SNX30: variants seen among roughly 807,000 people sequenced by gnomAD.
SNX30 encodes the protein sorting nexin family member 30.
SNX30 carries 24 observed loss-of-function variants against 46.4 expected under a neutral mutation model. The observed-to-expected ratio is 0.52, with a 90% CI of 0.37 to 0.73. SNX30 has a LOEUF of 0.73. SNX30 is among the 30% of genes least tolerant of loss of function. The pLI, the probability that SNX30 is intolerant of heterozygous loss-of-function variation, is 0.00. For missense variants in SNX30, 533 were observed against 555.7 expected (o/e 0.96, Z 0.41); for synonymous variants, 189 against 211.5 (o/e 0.89, Z 0.92).
At chr9:112,749,765 C>G (rs2796036), upstream of SNX30, among the ~76,000 whole-genome samples, 62,904 of 152,032 alleles carry the variant, frequency 0.41, 13,220 homozygotes, top group Admixed American at 0.45. Context: ...CCAGAGTCAA[C>G]ATCTGTCATC....
At chr9:112,794,363 G>T (rs1840074312) in intron 1 of SNX30, among the ~76,000 whole-genome samples, 1 of 152,116 alleles carries the variant, frequency 6.6e-6, no homozygotes, top group Non-Finnish European at 1.5e-5. Context: ...ATGTTGGTCA[G>T]GTTGGTCTTG....
chr9:112,845,997 G>T (rs1190875611), intron 6 of SNX30, among the ~76,000 whole-genome samples: 2 of 152,072 alleles, frequency 1.3e-5, no homozygotes, highest in Non-Finnish European at 2.9e-5. Context: ...AGATATCACA[G>T]CCATAAAACA....
chr9:112,770,472 CTT>C, intron 1 of SNX30, among the ~76,000 whole-genome samples: 1 of 151,906 alleles, frequency 6.6e-6, no homozygotes, highest in Admixed American at 6.6e-5. Context: ...CGCCTGGCCT[CTT>C]TTTTGCTTTT....
chr9:112,880,578 C>T (rs1304603301), intron 5 of SNX30: 3 of 153,408 alleles, frequency 2.0e-5, no homozygotes, highest in Non-Finnish European at 4.4e-5. Flanking sequence ...CTTGGAAGCC[C>T]ATCCCCAACC....
intron 7 of SNX30, among the ~76,000 whole-genome samples, chr9:112,861,285 A>T (rs1274942486): frequency 6.6e-6 from 1 of 152,244 alleles, no homozygotes; most frequent in Non-Finnish European, 1.5e-5. Flanking sequence ...CATGAAGAAA[A>T]GCAGAAGTAT....
chr9:112,841,519 G>A (rs917689072), intron 6 of SNX30, among the ~76,000 whole-genome samples: 2 of 152,210 alleles, frequency 1.3e-5, no homozygotes, highest in Non-Finnish European at 2.9e-5. Flanking sequence ...ATGGAAAAGA[G>A]GAAGTGTGGA....
intron 6 of SNX30, among the ~76,000 whole-genome samples, chr9:112,847,446 C>CTTT (rs34501288): frequency 1.4e-5 from 2 of 146,312 alleles, no homozygotes; most frequent in African/African-American, 2.5e-5. Flanking sequence ...TACAAGCATT[C>CTTT]TTTTTTTTTT....
At chr9:112,759,335 A>G (rs1232636156) in intron 1 of SNX30, among the ~76,000 whole-genome samples, 1 of 152,056 alleles carries the variant, frequency 6.6e-6, no homozygotes, top group Admixed American at 6.6e-5. Context: ...AATCCAGTAG[A>G]TGCTTTATAG....
chr9:112,771,916 T>C (rs1839656084), intron 1 of SNX30, among the ~76,000 whole-genome samples: 1 of 152,218 alleles, frequency 6.6e-6, no homozygotes, highest in African/African-American at 2.4e-5. Context: ...ACCCTTTCCC[T>C]CTGTGGTCAA....
downstream of SNX30, among the ~76,000 whole-genome samples, chr9:112,882,145 C>T (rs923231780): frequency 1.3e-5 from 2 of 152,156 alleles, no homozygotes; most frequent in African/African-American, 4.8e-5. Flanking sequence ...CTTGCTCTGT[C>T]ACCCAGGCTG....
At chr9:112,833,082 T>A (rs1403004845) in intron 4 of SNX30, among the ~76,000 whole-genome samples, 1 of 152,050 alleles carries the variant, frequency 6.6e-6, no homozygotes, top group African/African-American at 2.4e-5. Flanking sequence ...TCCTAACAAT[T>A]TCTAAGTGTA....
At chr9:112,859,642 T>C (rs1176881311) in intron 7 of SNX30, among the ~76,000 whole-genome samples, 3 of 152,040 alleles carry the variant, frequency 2.0e-5, no homozygotes, top group African/African-American at 4.8e-5. Context: ...GACAGAGTCT[T>C]TCTCTGTCGC....
chr9:112,787,008 C>A (rs142707339), intron 1 of SNX30, among the ~76,000 whole-genome samples: 4 of 152,292 alleles, frequency 2.6e-5, no homozygotes, highest in Admixed American at 2.6e-4. Context: ...CACCCACATT[C>A]GGTCTGAGTC....
At chr9:112,763,773 A>G (rs888567694) in intron 1 of SNX30, among the ~76,000 whole-genome samples, 1 of 151,388 alleles carries the variant, frequency 6.6e-6, no homozygotes, top group Admixed American at 6.6e-5. Flanking sequence ...CGCTTGAACC[A>G]GGGAGTTGGA....
Position 112,817,784 on chromosome 9 carries a change from T to C in SNX30, c.428T>C (p.Leu143Pro). ...GATTTTGACTGGTTGAGGAGCAAAC[T>C]GGAAGAATCCCAGCCCACTCATCTC... The part of the protein sequence containing the change: ...YQDFDWLRSK[L>P]EESQPTHLIP... The change falls in exon 3 of 9, where the codon CTG becomes CCG. Residue 143 changes from leucine to proline, a missense_variant. By Grantham distance (98) the Leu-to-Pro change is moderately conservative. This residue lies in a region of SNX30 where 81 missense variants were observed against 124.4 expected (regional missense o/e 0.65). Coordinates refer to ENST00000374232, the MANE Select transcript of SNX30 (RefSeq NM_001012994.2). 6.2e-7 allele frequency: 1 copy of C among 1,613,850 alleles called. No individual in the cohort carries two copies. Among genetic ancestry groups the C allele is most frequent in the Non-Finnish European group, 8.5e-7 (1 of 1,179,754 alleles).
chr9:112,838,657 C>T lies in SNX30; in HGVS notation c.974C>T (p.Pro325Leu). 1 of 1,614,138 alleles carries T rather than the reference C, an allele frequency of 6.2e-7. No individual in the cohort carries two copies. ...LTDDMTEDFL[P>L]VLREYILYSD... The stretch of plus-strand genomic sequence containing the variant: ...GATGACATGACAGAAGACTTCCTAC[C>T]TGTGCTCAGGGAATATATTTTATAC... The change falls in exon 6 of 9, where the codon CCT becomes CTT. Residue 325 changes from proline (P) to leucine (L), a missense_variant. Pro to Leu is a moderately conservative substitution (Grantham distance 98, BLOSUM62 -3). Transcript: ENST00000374232.
In SNX30 at chr9:112,763,537, T is replaced by C. The variant is rs139309933; in HGVS notation, c.156+12380T>C. 5.1e-3 allele frequency among the ~76,000 whole-genome samples: 779 copies of C among 151,682 alleles called. 5 individuals are homozygous for C. Among genetic ancestry groups the C allele is most frequent in the Admixed American group, 0.011 (175 of 15,228 alleles). On this transcript the variant is annotated intron_variant, in intron 1 of 8. Coordinates refer to ENST00000374232, the MANE Select transcript of SNX30 (RefSeq NM_001012994.2). Reference sequence around the variant, plus strand: ...ATACCTGGCCCAGTTATTATGTTTTTTAAAAGAATTATTTGTTAAACCTGA... The same window carrying C: ...ATACCTGGCCCAGTTATTATGTTTTCTAAAAGAATTATTTGTTAAACCTGA...
chr9:112,832,820 T>TTTTC (rs1564284884), intron 4 of SNX30, among the ~76,000 whole-genome samples: 2 of 146,168 alleles, frequency 1.4e-5, no homozygotes, highest in Non-Finnish European at 3.0e-5. Context: ...ATATTATATA[T>TTTTC]TAATATATAA....
At chr9:112,813,722 C>T (rs1840354988) in intron 2 of SNX30, among the ~76,000 whole-genome samples, 1 of 151,794 alleles carries the variant, frequency 6.6e-6, no homozygotes, top group Admixed American at 6.6e-5. Context: ...GATCCGCCTG[C>T]CTCGGCCTCC....
Sources: allele counts gnomAD v4.1 joint callset (sites outside exome capture counted in the v4.1 genomes callset), GRCh38; gene constraint gnomAD v4.1.1; regional missense constraint gnomAD v4.1.1; transcripts MANE v1.5; gene names NCBI Gene and HGNC (gene_info 2026-07-23, HGNC 2026-07-21).